Variants in NALF1 observed in about 807,000 individuals in gnomAD.
NALF1 encodes family with sequence similarity 155 member A.
A neutral mutation model predicts 48.4 loss-of-function variants in NALF1; 3 were observed. The observed-to-expected ratio is 0.06, with a 90% CI of 0.03 to 0.16. The LOEUF (loss-of-function observed/expected upper bound fraction) is 0.16. Ranked by LOEUF, NALF1 falls within the 10% of genes least tolerant of loss-of-function variation. NALF1 has a pLI of 1.00. For synonymous variants in NALF1, 262 were observed against 245.7 expected, an observed-to-expected ratio of 1.07 and a Z score of -0.62; for missense variants, 526 against 571.5, an observed-to-expected ratio of 0.92 and a Z score of 0.81.
At chr13:107,702,620 T>A (rs926973056) in intron 1 of NALF1, among the ~76,000 whole-genome samples, 1 of 152,126 alleles carries the variant, frequency 6.6e-6, no homozygotes, top group Non-Finnish European at 1.5e-5. Flanking sequence ...CCATGGTGTT[T>A]GCCGCACAGA....
At chr13:107,441,590 C>T (rs1267666504) in intron 1 of NALF1, among the ~76,000 whole-genome samples, 1 of 152,006 alleles carries the variant, frequency 6.6e-6, no homozygotes, top group Non-Finnish European at 1.5e-5. Context: ...GCTAGAAATT[C>T]CAGGGAAAGG....
chr13:107,223,804 T>C (rs1594077726), intron 1 of NALF1, among the ~76,000 whole-genome samples: 1 of 152,164 alleles, frequency 6.6e-6, no homozygotes, highest in Non-Finnish European at 1.5e-5. Context: ...GTTAAGAATA[T>C]AAGTACACAC....
In NALF1 at chr13:107,164,981, A is replaced by G. The variant is rs987624162; in HGVS notation, c.*5516T>C. 3.9e-5 allele frequency: 6 copies of G among 152,066 alleles called. No homozygotes were observed. The highest frequency in any genetic ancestry group is 6.5e-5 in the Admixed American group (1 of 15,278). The allele number at this position is 152,066 out of a possible 1,614,324, so 9.4% of individuals were successfully genotyped here. A position where few individuals can be genotyped will look rare whatever the true frequency, so the allele number is the denominator to read the frequency against. ...ATTACTTATCTCTTTTAAGCCTCCA[A>G]TGTTGCCACGAAGTATTCTTCTTGC... On this transcript the variant is annotated 3_prime_UTR_variant, in exon 3 of 3. Transcript: ENST00000375915.
chr13:107,720,987 TG>T (rs1875965722), intron 1 of NALF1, among the ~76,000 whole-genome samples: 2 of 152,150 alleles, frequency 1.3e-5, no homozygotes. Flanking sequence ...TGTATCCATA[TG>T]GATGTCAAGG....
intron 1 of NALF1, among the ~76,000 whole-genome samples, chr13:107,766,610 TTTAGAATGGGTTTCAACCTA>T (rs754634819): frequency 1.8e-4 from 28 of 152,190 alleles, no homozygotes; most frequent in Non-Finnish European, 3.8e-4. Flanking sequence ...AACAGGATAT[TTTAGAATGGGTTTCAACCTA>T]TGAGAGAATT....
intron 1 of NALF1, among the ~76,000 whole-genome samples, chr13:107,645,445 G>C (rs919830969): frequency 6.6e-6 from 1 of 152,038 alleles, no homozygotes; most frequent in African/African-American, 2.4e-5. Flanking sequence ...ATGGAATGCT[G>C]TTACTATTTA....
intron 1 of NALF1, among the ~76,000 whole-genome samples, chr13:107,771,343 T>A (rs1274299206): frequency 6.6e-6 from 1 of 151,924 alleles, no homozygotes; most frequent in Non-Finnish European, 1.5e-5. Flanking sequence ...AGAAGGCCTA[T>A]AATTATCATC....
intron 1 of NALF1, among the ~76,000 whole-genome samples, chr13:107,408,013 C>A (rs1056872578): frequency 3.2e-4 from 48 of 152,094 alleles, no homozygotes; most frequent in African/African-American, 1.1e-3. Context: ...AAAAGACAAA[C>A]TTCACATTTT....
intron 1 of NALF1, among the ~76,000 whole-genome samples, chr13:107,217,807 T>G (rs1879906411): frequency 6.6e-6 from 1 of 152,218 alleles, no homozygotes; most frequent in Non-Finnish European, 1.5e-5. Flanking sequence ...ATCTCTCACT[T>G]GGATTTCTGC....
At chr13:107,612,128 AGGAGGAGTGGG>A (rs1879246756) in intron 1 of NALF1, among the ~76,000 whole-genome samples, 1 of 18,732 alleles carries the variant, frequency 5.3e-5, no homozygotes, top group Non-Finnish European at 8.9e-5. Context: ...GGGGGAGGGG[AGGAGGAGTGGG>A]GAGGGGAGAG....
chr13:107,169,622 A>T lies in NALF1; in HGVS notation c.*875T>A, dbSNP rs1274787958. 2 of 152,276 alleles carry T rather than the reference A, an allele frequency of 1.3e-5. No homozygotes were observed. Among genetic ancestry groups the T allele is most frequent in the Non-Finnish European group, 2.9e-5 (2 of 68,044 alleles). The allele number at this position is 152,276 out of a possible 1,614,324, so 9.4% of individuals were successfully genotyped here. On this transcript the variant is annotated 3_prime_UTR_variant, in exon 3 of 3. Transcript: ENST00000375915. ...TTGGGGATGGGAACTGGAGCAATAC[A>T]GTTCATGATAGTTTTTTTTAATTTT...
chr13:107,465,213 A>C (rs1884981286), intron 1 of NALF1, among the ~76,000 whole-genome samples: 2 of 152,036 alleles, frequency 1.3e-5, no homozygotes, highest in South Asian at 2.1e-4. Flanking sequence ...TTAATATAAA[A>C]GGAAATGCTA....
intron 1 of NALF1, among the ~76,000 whole-genome samples, chr13:107,618,291 G>T (rs1879433317): frequency 6.6e-6 from 1 of 152,178 alleles, no homozygotes; most frequent in Non-Finnish European, 1.5e-5. Flanking sequence ...TTCAAGGCAG[G>T]AAAGAAATTG....
intron 1 of NALF1, among the ~76,000 whole-genome samples, chr13:107,640,949 A>G (rs567773380): frequency 1.3e-5 from 2 of 152,346 alleles, no homozygotes; most frequent in South Asian, 4.1e-4. Context: ...CACAAAATAA[A>G]GGAAATCAGT....
intron 1 of NALF1, among the ~76,000 whole-genome samples, chr13:107,600,298 G>A (rs1878885606): frequency 6.6e-6 from 1 of 152,064 alleles, no homozygotes; most frequent in African/African-American, 2.4e-5. Flanking sequence ...AAGCAAACAA[G>A]AACAGGGCAA....
chr13:107,804,831 T>C (rs1247916036), intron 1 of NALF1, among the ~76,000 whole-genome samples: 2 of 152,194 alleles, frequency 1.3e-5, no homozygotes, highest in Non-Finnish European at 2.9e-5. Flanking sequence ...TAAAAGTATA[T>C]ATATTTCTGT....
chr13:107,348,858 T>C (rs932188940), intron 1 of NALF1, among the ~76,000 whole-genome samples: 1 of 152,242 alleles, frequency 6.6e-6, no homozygotes, highest in Non-Finnish European at 1.5e-5. Flanking sequence ...CCATAACACC[T>C]TGCTCATTAC....
chr13:107,415,081 T>C (rs747065270), intron 1 of NALF1, among the ~76,000 whole-genome samples: 4 of 152,138 alleles, frequency 2.6e-5, no homozygotes, highest in Admixed American at 6.6e-5. Context: ...CCTAGCAACA[T>C]TGGCATTGTC....
intron 1 of NALF1, among the ~76,000 whole-genome samples, chr13:107,265,569 G>T (rs147145776): frequency 0.012 from 1,764 of 152,028 alleles, 28 homozygotes; most frequent in Middle Eastern, 0.041. Context: ...ACCACACTTG[G>T]CTAATTTTGT....
Sources: allele counts gnomAD v4.1 joint callset (sites outside exome capture counted in the v4.1 genomes callset), GRCh38; gene constraint gnomAD v4.1.1; transcripts MANE v1.5; gene names NCBI Gene and HGNC (gene_info 2026-07-23, HGNC 2026-07-21).